The following CSGALNACT1 variants were observed in gnomAD, a reference collection of about 807,000 sequenced individuals.
The protein encoded by CSGALNACT1 is chondroitin sulfate N-acetylgalactosaminyltransferase 1.
Under a neutral mutation model 51.0 loss-of-function variants are expected in CSGALNACT1, and 52 were observed. The observed-to-expected ratio is 1.02, with a 90% confidence interval of 0.82 to 1.29. The LOEUF is 1.29. Among genes scored for constraint, CSGALNACT1 ranks in the 50% most tolerant of loss-of-function variants. The pLI is 0.00. For missense variants in CSGALNACT1, 935 were observed against 679.2 expected, an observed-to-expected ratio of 1.38 and a Z score of -4.19; for synonymous variants, 341 against 254.4, an observed-to-expected ratio of 1.34 and a Z score of -3.24.
At chr8:19,505,262 C>G in exon 4 of CSGALNACT1, 1 of 1,614,152 alleles carries the variant, frequency 6.2e-7, no homozygotes, top group South Asian at 1.1e-5. Context: ...CAGGACTGTT[C>G]AGGGTCTCCA....
At chr8:19,566,689 A>G (rs898399734) in intron 3 of CSGALNACT1, among the ~76,000 whole-genome samples, 3 of 152,178 alleles carry the variant, frequency 2.0e-5, no homozygotes, top group African/African-American at 7.2e-5. Context: ...TCTTGTTAGG[A>G]TTTGAAGCCC....
chr8:19,514,559 G>A lies in CSGALNACT1; in HGVS notation c.-296-8429C>T, dbSNP rs193114531. Among the ~76,000 whole-genome samples the A allele has an allele frequency of 7.1e-4, 98 of 137,590 alleles. No individual in the cohort carries two copies. In the Middle Eastern group the frequency reaches 0.023, roughly 32 times the overall value. 90.3% of individuals were successfully genotyped at this position (137,590 alleles called of 152,430 possible). On this transcript the variant is annotated intron_variant, in intron 3 of 9. Coordinates refer to ENST00000454498, the Ensembl canonical transcript of CSGALNACT1. ...ATACAGGCCAGGCACAGTGGCTCTC[G>A]CCTGTAATCCTAGTGCTTAGGGAGG...
At chr8:19,422,398 T>G (rs1041497082) in intron 6 of CSGALNACT1, among the ~76,000 whole-genome samples, 6 of 152,136 alleles carry the variant, frequency 3.9e-5, no homozygotes, top group African/African-American at 1.4e-4. Flanking sequence ...TCTCACTTTG[T>G]TGCCCAACTC....
chr8:19,555,009 C>CG (rs1564025880), intron 3 of CSGALNACT1, among the ~76,000 whole-genome samples: 4 of 151,018 alleles, frequency 2.6e-5, no homozygotes, highest in African/African-American at 9.7e-5. Context: ...GGACGCCGAG[C>CG]GGGGGTGAAT....
intron 3 of CSGALNACT1, among the ~76,000 whole-genome samples, chr8:19,584,838 G>C (rs904245064): frequency 1.3e-5 from 2 of 152,176 alleles, no homozygotes; most frequent in Admixed American, 6.5e-5. Flanking sequence ...TTAAGGGCTT[G>C]TCATCCAGAC....
intron 1 of CSGALNACT1, among the ~76,000 whole-genome samples, chr8:19,734,240 T>G (rs190333539): frequency 6.6e-6 from 1 of 152,194 alleles, no homozygotes; most frequent in Admixed American, 6.5e-5. Flanking sequence ...CTGGATGAAG[T>G]TGGCCTAAAT....
chr8:19,545,649 T>C (rs2086289137), intron 3 of CSGALNACT1, among the ~76,000 whole-genome samples: 1 of 151,910 alleles, frequency 6.6e-6, no homozygotes, highest in African/African-American at 2.4e-5. Context: ...GATAAAGTAG[T>C]AAAACAATAA....
intron 1 of CSGALNACT1, among the ~76,000 whole-genome samples, chr8:19,706,255 G>A (rs1444468275): frequency 6.6e-6 from 1 of 152,066 alleles, no homozygotes; most frequent in Non-Finnish European, 1.5e-5. Context: ...TGCTCTAAAG[G>A]TATTTTACAA....
chr8:19,630,903 C>G (rs1016132034), intron 1 of CSGALNACT1, among the ~76,000 whole-genome samples: 2 of 152,152 alleles, frequency 1.3e-5, no homozygotes, highest in African/African-American at 4.8e-5. Flanking sequence ...CAGTTTCCCC[C>G]TTTTATTTCC....
intron 1 of CSGALNACT1, among the ~76,000 whole-genome samples, chr8:19,736,432 C>T (rs892036572): frequency 6.6e-6 from 1 of 151,678 alleles, no homozygotes; most frequent in African/African-American, 2.4e-5. Flanking sequence ...ATGTCTTTTC[C>T]TGAATTTCTA....
chr8:19,662,282 C>T (rs190370281), intron 1 of CSGALNACT1, among the ~76,000 whole-genome samples: 226 of 152,030 alleles, frequency 1.5e-3, no homozygotes, highest in Non-Finnish European at 2.7e-3. Flanking sequence ...ACTCAGGAGG[C>T]TGAGGCAGGA....
intron 4 of CSGALNACT1, among the ~76,000 whole-genome samples, chr8:19,504,902 G>C (rs561808231): frequency 2.0e-5 from 3 of 152,204 alleles, no homozygotes; most frequent in African/African-American, 7.2e-5. Context: ...TATTTTATTT[G>C]GGTTTCAAAG....
At chr8:19,665,349 C>A (rs1347986568) in intron 1 of CSGALNACT1, among the ~76,000 whole-genome samples, 1 of 152,192 alleles carries the variant, frequency 6.6e-6, no homozygotes, top group Non-Finnish European at 1.5e-5. Context: ...TTAAATGCCA[C>A]GGCTCTTTTG....
chr8:19,581,967 T>A (rs1564139969), intron 3 of CSGALNACT1, among the ~76,000 whole-genome samples: 1 of 152,368 alleles, frequency 6.6e-6, no homozygotes, highest in South Asian at 2.1e-4. Context: ...ATAATTCAGA[T>A]GTAAAGGTTG....
At chr8:19,712,305 G>T (rs1038359484) in intron 1 of CSGALNACT1, among the ~76,000 whole-genome samples, 1 of 152,048 alleles carries the variant, frequency 6.6e-6, no homozygotes, top group East Asian at 1.9e-4. Context: ...GATTACAGGC[G>T]TGAGCCACCG....
chr8:19,667,083 GAA>G lies in CSGALNACT1; in HGVS notation c.-544+15388_-544+15389del, dbSNP rs1421102966. On this transcript the variant is annotated intron_variant, in intron 1 of 9. Transcript: ENST00000332246. Reference sequence around the variant, plus strand: ...AGAAAGAAAGAAAGAAAGAAAGAAAGAAAGAAAGAAAGAAAGGGAAAGAAATC... The same window carrying G: ...AGAAAGAAAGAAAGAAAGAAAGAAAGAGAAAGAAAGAAAGGGAAAGAAATC... 8.0e-5 allele frequency among the ~76,000 whole-genome samples: 10 copies of G among 125,680 alleles called. 1 individual carries two copies. The highest frequency in any genetic ancestry group is 3.0e-4 in the African/African-American group (10 of 33,840). The allele number at this position is 125,680 out of a possible 152,430, so 82.5% of individuals were successfully genotyped here.
chr8:19,656,680 GAAAT>G (rs1354298641), intron 1 of CSGALNACT1, among the ~76,000 whole-genome samples: 5 of 129,892 alleles, frequency 3.8e-5, no homozygotes, highest in African/African-American at 1.2e-4. Flanking sequence ...ATGTCTAAAA[GAAAT>G]AAAAAGTAGC....
At chr8:19,695,077 T>C (rs1340022004) in intron 1 of CSGALNACT1, among the ~76,000 whole-genome samples, 1 of 152,198 alleles carries the variant, frequency 6.6e-6, no homozygotes, top group African/African-American at 2.4e-5. Flanking sequence ...ATTCTAGTAT[T>C]TGAACAGCAC....
intron 3 of CSGALNACT1, among the ~76,000 whole-genome samples, chr8:19,547,436 T>A (rs1176012283): frequency 5.0e-5 from 1 of 20,160 alleles, no homozygotes; most frequent in African/African-American, 2.2e-4. Context: ...GATAACTGAA[T>A]CATGGGGGTG....
Sources: gnomAD v4.1 joint callset for allele counts (sites outside exome capture counted in the v4.1 genomes callset) on GRCh38, gnomAD v4.1.1 for gene constraint, MANE v1.5 for transcripts, NCBI Gene and HGNC (gene_info 2026-07-23, HGNC 2026-07-21) for gene names.